Variants in TNIK observed in about 807,000 individuals in gnomAD.
TNIK encodes the protein TRAF2 and NCK-interacting protein kinase.
Under a neutral mutation model 191.3 loss-of-function variants are expected in TNIK, and 49 were observed. The observed-to-expected ratio is 0.26, with a 90% CI of 0.20 to 0.32. The LOEUF (loss-of-function observed/expected upper bound fraction) is 0.32. TNIK is among the 10% of genes least tolerant of loss of function. The pLI, the probability that TNIK is intolerant of heterozygous loss-of-function variation, is 1.00. For synonymous variants in TNIK, 594 were observed against 600.9 expected (o/e 0.99, Z 0.17); for missense variants, 1,155 against 1,702.3 (o/e 0.68, Z 5.66).
intron 2 of TNIK, among the ~76,000 whole-genome samples, chr3:171,306,677 G>T (rs1380619022): frequency 1.3e-5 from 2 of 152,058 alleles, no homozygotes; most frequent in African/African-American, 4.8e-5. Flanking sequence ...GATTCCAAGT[G>T]CCTCATTCAA....
chr3:171,436,965 A>G (rs1350618591), intron 1 of TNIK, among the ~76,000 whole-genome samples: 2 of 152,130 alleles, frequency 1.3e-5, no homozygotes, highest in East Asian at 1.9e-4. Flanking sequence ...ACACCCCTCA[A>G]AAAGAATGAA....
intron 2 of TNIK, among the ~76,000 whole-genome samples, chr3:171,348,493 G>T (rs1328749928): frequency 6.6e-6 from 1 of 151,992 alleles, no homozygotes; most frequent in African/African-American, 2.4e-5. Context: ...GATGCAGACA[G>T]CACAGGACCT....
intron 24 of TNIK, among the ~76,000 whole-genome samples, chr3:171,086,295 C>G (rs569056948): frequency 2.0e-5 from 3 of 152,318 alleles, no homozygotes; most frequent in African/African-American, 7.2e-5. Context: ...TCATCCTCCT[C>G]AAGGTTGAAT....
intron 1 of TNIK, among the ~76,000 whole-genome samples, chr3:171,382,849 T>A (rs932500708): frequency 2.6e-5 from 4 of 152,136 alleles, no homozygotes; most frequent in Non-Finnish European, 4.4e-5. Flanking sequence ...CCATATCCTA[T>A]CCTACTCTAC....
chr3:171,141,047 CTGTCTG>C (rs2108636667), intron 12 of TNIK, among the ~76,000 whole-genome samples: 1 of 152,250 alleles, frequency 6.6e-6, no homozygotes, highest in African/African-American at 2.4e-5. Context: ...ATCATGCTGC[CTGTCTG>C]TGTTTTCTGG....
chr3:171,262,594 G>A (rs537407459), intron 2 of TNIK, among the ~76,000 whole-genome samples: 2 of 152,172 alleles, frequency 1.3e-5, no homozygotes, highest in African/African-American at 2.4e-5. Context: ...CTTCTCAAGA[G>A]GAGTGGCATT....
chr3:171,217,312 C>CTG (rs1741565550), intron 3 of TNIK, among the ~76,000 whole-genome samples: 1 of 152,086 alleles, frequency 6.6e-6, no homozygotes, highest in African/African-American at 2.4e-5. Context: ...AAACAAAATC[C>CTG]TGCATGTTCT....
intron 2 of TNIK, among the ~76,000 whole-genome samples, chr3:171,307,152 T>A (rs1264972293): frequency 2.0e-5 from 3 of 152,170 alleles, no homozygotes; most frequent in African/African-American, 7.2e-5. Context: ...TTTCTATTTA[T>A]TTCTTTTCTA....
intron 2 of TNIK, among the ~76,000 whole-genome samples, chr3:171,356,634 A>C (rs993249108): frequency 2.0e-5 from 3 of 152,202 alleles, no homozygotes; most frequent in African/African-American, 7.2e-5. Flanking sequence ...CAAACATTTA[A>C]GGAGATGTTA....
chr3:171,212,769 C>T (rs1313728948), intron 3 of TNIK, among the ~76,000 whole-genome samples: 1 of 152,128 alleles, frequency 6.6e-6, no homozygotes, highest in African/African-American at 2.4e-5. Context: ...ACAAAGAGCC[C>T]AATGCCCAGA....
intron 21 of TNIK, among the ~76,000 whole-genome samples, chr3:171,102,672 G>A (rs931437549): frequency 6.6e-6 from 1 of 152,140 alleles, no homozygotes; most frequent in Non-Finnish European, 1.5e-5. Context: ...AGAGCATTCA[G>A]TGAGAGACAG....
chr3:171,421,307 A>G (rs1418504155), intron 1 of TNIK, among the ~76,000 whole-genome samples: 2 of 152,190 alleles, frequency 1.3e-5, no homozygotes, highest in Non-Finnish European at 2.9e-5. Context: ...GAAAATACAA[A>G]GTGAGGTCCC....
intron 1 of TNIK, among the ~76,000 whole-genome samples, chr3:171,410,112 G>A (rs1243217850): frequency 6.6e-6 from 1 of 152,096 alleles, no homozygotes; most frequent in Non-Finnish European, 1.5e-5. Flanking sequence ...AAAGAACTTT[G>A]ATAACATCAA....
At chr3:171,105,699 C>T (rs1314069548) in intron 21 of TNIK, among the ~76,000 whole-genome samples, 2 of 152,148 alleles carry the variant, frequency 1.3e-5, no homozygotes, top group African/African-American at 4.8e-5. Flanking sequence ...TTTTTCAAAG[C>T]CTAAAATATT....
chr3:171,265,518 A>C (rs1188303386), intron 2 of TNIK, among the ~76,000 whole-genome samples: 1 of 152,252 alleles, frequency 6.6e-6, no homozygotes, highest in African/African-American at 2.4e-5. Context: ...ATTTGGGCAG[A>C]CAGAGATTTC....
chr3:171,101,322 G>T, intron 22 of TNIK, 127 bp downstream of exon 22: 1 of 1,064,218 alleles, frequency 9.4e-7, no homozygotes, highest in Non-Finnish European at 1.3e-6. Flanking sequence ...AAAAACCCAA[G>T]TCCCGAAAGT....
chr3:171,259,447 G>C (rs1414409848), intron 2 of TNIK, among the ~76,000 whole-genome samples: 2 of 152,160 alleles, frequency 1.3e-5, no homozygotes, highest in Non-Finnish European at 2.9e-5. Flanking sequence ...CCTCACAGGA[G>C]TCCAGTCAGG....
At chr3:171,224,622 T>C (rs1742757711) in intron 3 of TNIK, among the ~76,000 whole-genome samples, 1 of 152,070 alleles carries the variant, frequency 6.6e-6, no homozygotes, top group Non-Finnish European at 1.5e-5. Flanking sequence ...ACCCCAGAAA[T>C]CCTGCAGCAG....
intron 18 of TNIK, among the ~76,000 whole-genome samples, chr3:171,120,943 G>A (rs904202140): frequency 6.6e-6 from 1 of 152,138 alleles, no homozygotes; most frequent in African/African-American, 2.4e-5. Context: ...GGCGGTTTTG[G>A]TTTGAGTCAC....
Sources: allele counts gnomAD v4.1 joint callset (sites outside exome capture counted in the v4.1 genomes callset), GRCh38; gene constraint gnomAD v4.1.1; transcripts MANE v1.5; gene names NCBI Gene and HGNC (gene_info 2026-07-23, HGNC 2026-07-21).